The following VTI1A variants were observed in gnomAD, a reference collection of about 807,000 sequenced individuals.
VTI1A encodes the protein vesicle transport through interaction with t-SNAREs homolog 1A.
Under a neutral mutation model 34.9 loss-of-function variants are expected in VTI1A, and 22 were observed. That is an observed-to-expected ratio of 0.63 (90% CI 0.45 to 0.90). VTI1A has a LOEUF of 0.90. Among genes scored for constraint, VTI1A ranks in the 40% least tolerant of loss-of-function variants. The pLI, the probability that VTI1A is intolerant of heterozygous loss-of-function variation, is 0.00. For synonymous variants in VTI1A, 87 were observed against 97.3 expected (o/e 0.89, Z 0.62); for missense variants, 268 against 275.6 (o/e 0.97, Z 0.20).
intron 5 of VTI1A, among the ~76,000 whole-genome samples, chr10:112,648,980 A>G (rs1458158232): frequency 6.6e-6 from 1 of 152,102 alleles, no homozygotes; most frequent in Non-Finnish European, 1.5e-5. Context: ...ATTTTTATTT[A>G]GATATTTGGG....
intron 5 of VTI1A, among the ~76,000 whole-genome samples, chr10:112,551,256 A>C (rs1851350522): frequency 6.6e-6 from 1 of 151,510 alleles, no homozygotes; most frequent in Non-Finnish European, 1.5e-5. Flanking sequence ...AAAAAAAAAA[A>C]AAAAAAAAAA....
intron 7 of VTI1A, among the ~76,000 whole-genome samples, chr10:112,683,580 A>C (rs926056642): frequency 1.3e-5 from 2 of 152,200 alleles, no homozygotes; most frequent in East Asian, 3.9e-4. Flanking sequence ...GAAGCAAGCT[A>C]TTCCTTTGAC....
chr10:112,625,628 G>A, intron 5 of VTI1A, among the ~76,000 whole-genome samples: 1 of 17,624 alleles, frequency 5.7e-5, no homozygotes. Flanking sequence ...CAACAAGAGT[G>A]AAACTCTGTC....
At chr10:112,806,179 G>A (rs958155394) in intron 7 of VTI1A, among the ~76,000 whole-genome samples, 5 of 152,126 alleles carry the variant, frequency 3.3e-5, no homozygotes, top group Non-Finnish European at 5.9e-5. Flanking sequence ...CAGGTCTCTC[G>A]GATGACTGAC....
chr10:112,643,735 C>T (rs1846669766), intron 5 of VTI1A, among the ~76,000 whole-genome samples: 1 of 152,140 alleles, frequency 6.6e-6, no homozygotes, highest in Non-Finnish European at 1.5e-5. Context: ...AAACTCTTTG[C>T]TTATTAATGT....
intron 7 of VTI1A, among the ~76,000 whole-genome samples, chr10:112,788,345 T>G (rs1158933216): frequency 6.6e-6 from 1 of 152,202 alleles, no homozygotes; most frequent in Non-Finnish European, 1.5e-5. Flanking sequence ...GTGTGTATGT[T>G]TATCATCATT....
At chr10:112,605,733 A>G (rs1233451654) in intron 5 of VTI1A, among the ~76,000 whole-genome samples, 1 of 152,134 alleles carries the variant, frequency 6.6e-6, no homozygotes, top group Non-Finnish European at 1.5e-5. Flanking sequence ...CTCCACAATT[A>G]TGATGGCTTA....
chr10:112,607,975 A>T (rs1261236795), intron 5 of VTI1A, among the ~76,000 whole-genome samples: 2 of 152,142 alleles, frequency 1.3e-5, no homozygotes, highest in East Asian at 3.9e-4. Context: ...TTATAACCTA[A>T]CCTTGGAATT....
At position 112,817,735 on chromosome 10, in the gene VTI1A, C is replaced by T. The variant is rs1018073117; in HGVS notation, c.*2352C>T. 4.4e-6 allele frequency: 1 copy of T among 229,672 alleles called. No homozygotes were observed. The highest frequency in any genetic ancestry group is 2.2e-5 in the African/African-American group (1 of 45,188). The allele number at this position is 229,672 out of a possible 1,614,324, so 14.2% of individuals were successfully genotyped here. Reference sequence around the variant, plus strand: ...CCCACCAGGAAAGGAATAACGTCCACAGACTTGAAGCAGATAGTGAAGTAG... The same window carrying T: ...CCCACCAGGAAAGGAATAACGTCCATAGACTTGAAGCAGATAGTGAAGTAG... On this transcript the variant is annotated 3_prime_UTR_variant, in exon 8 of 8. Coordinates refer to ENST00000393077, the MANE Select transcript of VTI1A (RefSeq NM_145206.4).
intron 5 of VTI1A, among the ~76,000 whole-genome samples, chr10:112,623,765 A>G (rs1845819573): frequency 6.6e-6 from 1 of 152,198 alleles, no homozygotes; most frequent in Non-Finnish European, 1.5e-5. Context: ...CTAGAAAAAA[A>G]TACTGCGAGG....
At chr10:112,522,464 G>T (rs1313289482) in intron 3 of VTI1A, among the ~76,000 whole-genome samples, 2 of 152,024 alleles carry the variant, frequency 1.3e-5, no homozygotes, top group East Asian at 3.9e-4. Flanking sequence ...AGAATAAAGG[G>T]CTTGCTTAGT....
chr10:112,479,905 ATCTG>A (rs1386806133), intron 3 of VTI1A, among the ~76,000 whole-genome samples: 2 of 152,186 alleles, frequency 1.3e-5, no homozygotes, highest in South Asian at 2.1e-4. Context: ...TATCCAGTTA[ATCTG>A]TCTATTGTCA....
rs114630378 is a variant in VTI1A, at chr10:112,653,028, G to A, written c.428-15190G>A. The stretch of plus-strand genomic sequence containing the variant: ...ACAGGTTGGGGGCGACCTGAGCATA[G>A]GGGCTCAAGAGCCCCATTACAGAAT... On this transcript the variant is annotated intron_variant, in intron 5 of 7. Transcript: ENST00000393077. 7.1e-3 allele frequency among the ~76,000 whole-genome samples: 1,075 copies of A among 152,326 alleles called. 13 individuals are homozygous for A. The highest frequency in any genetic ancestry group is 0.025 in the African/African-American group (1,033 of 41,578).
At chr10:112,804,472 CT>C (rs1852994375) in intron 7 of VTI1A, among the ~76,000 whole-genome samples, 1 of 152,202 alleles carries the variant, frequency 6.6e-6, no homozygotes, top group African/African-American at 2.4e-5. Flanking sequence ...TTTCAGAGTG[CT>C]TTAAAATCTT....
intron 7 of VTI1A, among the ~76,000 whole-genome samples, chr10:112,762,432 C>T (rs1851500729): frequency 6.6e-6 from 1 of 152,098 alleles, no homozygotes; most frequent in African/African-American, 2.4e-5. Flanking sequence ...GAATAGAAGC[C>T]GTAGTTAAAG....
chr10:112,486,073 C>G (rs1437879604), intron 3 of VTI1A, among the ~76,000 whole-genome samples: 3 of 152,148 alleles, frequency 2.0e-5, no homozygotes, highest in Non-Finnish European at 4.4e-5. Context: ...CCCTTTCTGT[C>G]CCACACATAT....
chr10:112,734,897 G>T (rs1850399827), intron 7 of VTI1A, among the ~76,000 whole-genome samples: 1 of 151,986 alleles, frequency 6.6e-6, no homozygotes, highest in Non-Finnish European at 1.5e-5. Flanking sequence ...CTCCCAAAGT[G>T]CTGGGATTAT....
Position 112,805,495 on chromosome 10 carries a change from G to A in VTI1A, c.561-9795G>A, listed in dbSNP as rs145492921. On this transcript the variant is annotated intron_variant, in intron 7 of 7. Coordinates refer to ENST00000393077, the MANE Select transcript of VTI1A (RefSeq NM_145206.4). Reference sequence around the variant, plus strand: ...CAAAGCCTAAAATGTTTAGTTATGGGTTAAATTGCAGCCTCTCACCTTAAT... The same window carrying A: ...CAAAGCCTAAAATGTTTAGTTATGGATTAAATTGCAGCCTCTCACCTTAAT... Among the ~76,000 whole-genome samples, 310 of 152,330 alleles carry A rather than the reference G, an allele frequency of 2.0e-3. 1 individual carries two copies. The highest frequency in any genetic ancestry group is 7.1e-3 in the African/African-American group (294 of 41,560).
At chr10:112,547,883 G>T (rs183139733) in intron 5 of VTI1A, among the ~76,000 whole-genome samples, 229 of 152,080 alleles carry the variant, frequency 1.5e-3, no homozygotes, top group African/African-American at 5.4e-3. Context: ...TCTTTTTAAA[G>T]AATTTTTGAA....
Sources: gnomAD v4.1 joint callset for allele counts (sites outside exome capture counted in the v4.1 genomes callset) on GRCh38, gnomAD v4.1.1 for gene constraint, MANE v1.5 for transcripts, NCBI Gene and HGNC (gene_info 2026-07-23, HGNC 2026-07-21) for gene names.